Variants in TMEM182 observed in about 807,000 individuals in gnomAD.
The protein encoded by TMEM182 is transmembrane protein 182.
A neutral mutation model predicts 26.8 loss-of-function variants in TMEM182; 20 were observed. That is an observed-to-expected ratio of 0.75 (90% CI 0.53 to 1.09). The LOEUF is 1.09. Ranked by LOEUF, TMEM182 falls within the 50% of genes least tolerant of loss-of-function variation. The probability of loss-of-function intolerance (pLI) is 0.00; values close to 1 mark genes in which losing one functional copy is unlikely to be tolerated. For synonymous variants in TMEM182, 109 were observed against 102.2 expected (o/e 1.07, Z -0.40); for missense variants, 277 against 275.5 (o/e 1.01, Z -0.04).
intron 4 of TMEM182, among the ~76,000 whole-genome samples, chr2:102,814,411 A>G (rs1682665308): frequency 6.6e-6 from 1 of 152,232 alleles, no homozygotes; most frequent in African/African-American, 2.4e-5. Flanking sequence ...GCAGTAAAAA[A>G]GAAAAAAAAA....
intron 2 of TMEM182, among the ~76,000 whole-genome samples, chr2:102,763,221 A>G (rs1418384593): frequency 3.3e-5 from 5 of 152,226 alleles, no homozygotes; most frequent in African/African-American, 4.8e-5. Context: ...GGCACTATCA[A>G]GAAGTGCCTT....
chr2:102,781,522 G>A (rs1681166336), intron 3 of TMEM182, among the ~76,000 whole-genome samples: 1 of 152,176 alleles, frequency 6.6e-6, no homozygotes, highest in Admixed American at 6.5e-5. Context: ...TAAACCATGT[G>A]AGAATGAGTG....
intron 1 of TMEM182, among the ~76,000 whole-genome samples, chr2:102,744,192 T>C (rs911133012): frequency 6.6e-6 from 1 of 152,086 alleles, no homozygotes; most frequent in African/African-American, 2.4e-5. Flanking sequence ...TTTAAAAGAA[T>C]AGAAACAATA....
At chr2:102,803,351 C>T (rs1201741008) in intron 4 of TMEM182, among the ~76,000 whole-genome samples, 1 of 152,208 alleles carries the variant, frequency 6.6e-6, no homozygotes, top group Non-Finnish European at 1.5e-5. Flanking sequence ...CTCACCCGTC[C>T]TTCCCTGCTC....
rs763171252 is a variant in TMEM182 at position 102,814,911 on chromosome 2, T to G, written c.633T>G (p.Ser211=). ...FFLAPAGIFF[S]LLAGLLFLVV... ...TGGCCCCAGCTGGGATATTTTTTTCTTTGCTAGCTGGATTACTATTTCTGG... is the reference window on the plus strand; with the variant it reads ...TGGCCCCAGCTGGGATATTTTTTTCGTTGCTAGCTGGATTACTATTTCTGG... The change falls in exon 5 of 5, where the codon TCT becomes TCG. Residue 211 remains serine, a synonymous_variant. Coordinates refer to ENST00000412401, the MANE Select transcript of TMEM182 (RefSeq NM_144632.5). 1 of 1,614,010 alleles carries G rather than the reference T, an allele frequency of 6.2e-7. No individual in the cohort carries two copies. Among genetic ancestry groups the G allele is most frequent in the South Asian group, 1.1e-5 (1 of 91,068 alleles).
chr2:102,839,472 A>ATATATATATATATATAT (rs1558796834), intron 3 of TMEM182, among the ~76,000 whole-genome samples: 1 of 78,582 alleles, frequency 1.3e-5, no homozygotes, highest in African/African-American at 4.5e-5. Context: ...TATATATATA[A>ATATATATATATATATAT]TATATACACA....
chr2:102,770,323 G>A (rs994338664), intron 3 of TMEM182, among the ~76,000 whole-genome samples: 3 of 152,118 alleles, frequency 2.0e-5, no homozygotes, highest in Non-Finnish European at 2.9e-5. Context: ...CAGTAGCTCC[G>A]TCTTCACCAA....
chr2:102,813,271 G>A (rs1682620911), intron 4 of TMEM182, among the ~76,000 whole-genome samples: 1 of 152,138 alleles, frequency 6.6e-6, no homozygotes, highest in Non-Finnish European at 1.5e-5. Flanking sequence ...GATGGCCCAG[G>A]AGAGAGAGGG....
chr2:102,801,911 C>T (rs1682156726), intron 4 of TMEM182, among the ~76,000 whole-genome samples: 1 of 152,180 alleles, frequency 6.6e-6, no homozygotes, highest in South Asian at 2.1e-4. Context: ...ATTTCCACCT[C>T]AGCACAACTC....
At chr2:102,755,578 T>C (rs938104921) in intron 1 of TMEM182, among the ~76,000 whole-genome samples, 6 of 152,214 alleles carry the variant, frequency 3.9e-5, no homozygotes, top group Non-Finnish European at 5.9e-5. Context: ...GCAAGTGATA[T>C]ATGCTTGATA....
In TMEM182 at chr2:102,815,271, A is replaced by C; in HGVS notation, c.*303A>C. The C allele has an allele frequency of 9.4e-7, 1 of 1,062,796 alleles. No individual in the cohort carries two copies. Among genetic ancestry groups the C allele is most frequent in the South Asian group, 3.8e-5 (1 of 26,148 alleles). 65.8% of individuals were successfully genotyped at this position (1,062,796 alleles called of 1,614,324 possible). A position where few individuals can be genotyped will look rare whatever the true frequency, so the allele number is the denominator to read the frequency against. ...GGTCGCAAAGGCCTGATAATAGCTT[A>C]ATACCATGACATGGGGAAAATCTCG... On this transcript the variant is annotated 3_prime_UTR_variant, in exon 5 of 5. Transcript: ENST00000412401.
At chr2:102,803,285 A>G (rs1359264614) in intron 4 of TMEM182, among the ~76,000 whole-genome samples, 2 of 152,184 alleles carry the variant, frequency 1.3e-5, no homozygotes, top group East Asian at 1.9e-4. Context: ...ATTGGGATGA[A>G]TTGTGTGAAT....
At chr2:102,749,334 T>C (rs1679808924) in intron 1 of TMEM182, among the ~76,000 whole-genome samples, 1 of 152,130 alleles carries the variant, frequency 6.6e-6, no homozygotes, top group Admixed American at 6.5e-5. Flanking sequence ...AGACCACATA[T>C]TGAGTGTCCT....
intron 1 of TMEM182, among the ~76,000 whole-genome samples, chr2:102,746,234 T>C (rs533726896): frequency 1.0e-3 from 154 of 152,328 alleles, no homozygotes; most frequent in African/African-American, 3.6e-3. Flanking sequence ...TTTGTATATC[T>C]TGTTGGGAGA....
At chr2:102,790,080 G>A (rs565465973) in intron 3 of TMEM182, among the ~76,000 whole-genome samples, 19 of 152,270 alleles carry the variant, frequency 1.2e-4, no homozygotes, top group African/African-American at 2.9e-4. Flanking sequence ...AGCACCCAGC[G>A]TTAAAAAAAG....
Position 102,785,738 on chromosome 2 carries a change from C to T in TMEM182, c.332-12125C>T, listed in dbSNP as rs186823644. On this transcript the variant is annotated intron_variant, in intron 3 of 4. Coordinates refer to ENST00000412401, the MANE Select transcript of TMEM182 (RefSeq NM_144632.5). ...ATTCACATACCTAAGAGAAAGATTC[C>T]AAGATGTGTAATAACAATATCATAA... 3.1e-3 allele frequency among the ~76,000 whole-genome samples: 473 copies of T among 152,122 alleles called. 4 individuals carry two copies. The highest frequency in any genetic ancestry group is 6.8e-3 in the Middle Eastern group (2 of 294).
intron 1 of TMEM182, 46 bp downstream of exon 1, chr2:102,762,395 A>G (rs1680249814): frequency 6.2e-7 from 1 of 1,611,128 alleles, no homozygotes; most frequent in Admixed American, 1.7e-5. Context: ...AGTTATGAAG[A>G]TACCCTTATG....
chr2:102,815,074 T>C lies in TMEM182; in HGVS notation c.*106T>C. ...GCATAAAGTTAGTAGATATAACTTTTTAGTTGCTATTCAAATTAATCATTT... is the reference window on the plus strand; with the variant it reads ...GCATAAAGTTAGTAGATATAACTTTCTAGTTGCTATTCAAATTAATCATTT... On this transcript the variant is annotated 3_prime_UTR_variant, in exon 5 of 5. Transcript: ENST00000412401. The C allele has an allele frequency of 6.8e-7, 1 of 1,467,612 alleles. No homozygotes were observed. Among genetic ancestry groups the C allele is most frequent in the Non-Finnish European group, 9.0e-7 (1 of 1,116,270 alleles). The allele number at this position is 1,467,612 out of a possible 1,614,324, so 90.9% of individuals were successfully genotyped here. A position where few individuals can be genotyped will look rare whatever the true frequency, so the allele number is the denominator to read the frequency against.
chr2:102,775,268 A>G (rs1037101525), intron 3 of TMEM182: 1 of 152,236 alleles, frequency 6.6e-6, no homozygotes, highest in Non-Finnish European at 1.5e-5. Flanking sequence ...CAGCATATAA[A>G]CAGAACCAAA....
Sources: gnomAD v4.1 joint callset for allele counts (sites outside exome capture counted in the v4.1 genomes callset) on GRCh38, gnomAD v4.1.1 for gene constraint, MANE v1.5 for transcripts, NCBI Gene and HGNC (gene_info 2026-07-23, HGNC 2026-07-21) for gene names.